Variants in CLVS2 observed in about 807,000 individuals in gnomAD.
The protein encoded by CLVS2 is clavesin 2.
CLVS2 carries 19 observed loss-of-function variants against 29.0 expected under a neutral mutation model. The observed-to-expected ratio is 0.66, with a 90% CI of 0.46 to 0.96. The LOEUF is 0.96. Among genes scored for constraint, CLVS2 ranks in the 40% least tolerant of loss-of-function variants. The pLI is 0.00. For missense variants in CLVS2, 294 were observed against 404.1 expected (o/e 0.73, Z 2.34); for synonymous variants, 161 against 151.3 (o/e 1.06, Z -0.47).
chr6:123,058,642 T>C (rs189760223), intron 5 of CLVS2, among the ~76,000 whole-genome samples: 90 of 152,164 alleles, frequency 5.9e-4, no homozygotes, highest in Admixed American at 2.7e-3. Context: ...ATCTTGGCTT[T>C]ATTTTTATTT....
rs978790121 is a variant in CLVS2, at chr6:123,072,282, A to T, written c.*8521A>T. 13 of 152,136 alleles carry T rather than the reference A, an allele frequency of 8.5e-5. No individual in the cohort carries two copies. Among genetic ancestry groups the T allele is most frequent in the African/African-American group, 3.1e-4 (13 of 41,444 alleles). The allele number at this position is 152,136 out of a possible 1,614,324, so 9.4% of individuals were successfully genotyped here. On this transcript the variant is annotated 3_prime_UTR_variant, in exon 6 of 6. Transcript: ENST00000275162. ...TGTTGAAGAAGAAATATAACCTGAA[A>T]TATAAGAATAGATGTTTGAAACTGT...
rs1772851396 is a variant in CLVS2, at chr6:123,066,166, T to A, written c.*2405T>A. 6.6e-6 allele frequency: 1 copy of A among 151,774 alleles called. No homozygotes were observed. Among genetic ancestry groups the A allele is most frequent in the Non-Finnish European group, 1.5e-5 (1 of 67,750 alleles). The allele number at this position is 151,774 out of a possible 1,614,324, so 9.4% of individuals were successfully genotyped here. A position where few individuals can be genotyped will look rare whatever the true frequency, so the allele number is the denominator to read the frequency against. ...TTTGTGAACCTTAGTCAAGGGATAT[T>A]CATTCAACTTTATAAATTTACCCCT... On this transcript the variant is annotated 3_prime_UTR_variant, in exon 6 of 6. Transcript: ENST00000275162.
intron 3 of CLVS2, among the ~76,000 whole-genome samples, chr6:123,019,374 G>A (rs1036145310): frequency 1.3e-5 from 2 of 152,074 alleles, no homozygotes; most frequent in Admixed American, 6.6e-5. Context: ...TAATCAGGCA[G>A]TGTTTCGAGG....
Position 123,035,124 on chromosome 6 carries a change from T to C in CLVS2, c.565-13498T>C, listed in dbSNP as rs555215957. On this transcript the variant is annotated intron_variant, in intron 3 of 5. Transcript: ENST00000275162. ...TTGCATCATTAAAAGAAGTAGGGTA[T>C]TTTGTTACTGTTTTGTTTTTGGTCA... 2.1e-3 allele frequency among the ~76,000 whole-genome samples: 319 copies of C among 152,250 alleles called. 4 individuals are homozygous for C. Among genetic ancestry groups the C allele is most frequent in the African/African-American group, 7.2e-3 (301 of 41,560 alleles).
chr6:123,037,584 A>T (rs953809821), intron 3 of CLVS2, among the ~76,000 whole-genome samples: 4 of 151,946 alleles, frequency 2.6e-5, no homozygotes, highest in African/African-American at 9.7e-5. Context: ...TATTCCACTC[A>T]TATCTCCATC....
Position 123,048,727 on chromosome 6 carries a change from A to T in CLVS2, c.670A>T (p.Lys224Ter). The change falls in exon 4 of 6, where the codon AAA becomes TAA. Residue 224 changes from lysine to a stop codon, truncating the protein, a stop_gained. Transcript: ENST00000275162. LOFTEE classifies it high-confidence loss of function. ...IRPFLKEKTR[K>*]RIFLHGNNLN... ...GCCTTTCCTGAAGGAGAAAACTCGG[A>T]AAAGGGTATTCTTTTCTTTGATTTT... 6.3e-7 allele frequency: 1 copy of T among 1,597,596 alleles called. No individual in the cohort carries two copies.
At position 123,042,832 on chromosome 6, in the gene CLVS2, A is replaced by C. The variant is rs562686011; in HGVS notation, c.565-5790A>C. On this transcript the variant is annotated intron_variant, in intron 3 of 5. Transcript: ENST00000275162. ...TTCTTCAGGAATCAGAACCTTCTAG[A>C]AGATGAATAAGACCTGTATACAAAC... Among the ~76,000 whole-genome samples the C allele has an allele frequency of 4.1e-4, 62 of 152,314 alleles. No individual in the cohort carries two copies. In the South Asian group the frequency reaches 0.012, roughly 31 times the overall value.
At position 123,055,268 on chromosome 6, in the gene CLVS2, C is replaced by A. The variant is rs371440775; in HGVS notation, c.676-538C>A. On this transcript the variant is annotated intron_variant, in intron 4 of 5. Transcript: ENST00000275162. Reference sequence around the variant, plus strand: ...GATGCTAATCTACTTTGGTTATTTACATCACCCACTTTGCATTATAAAACA... The same window carrying A: ...GATGCTAATCTACTTTGGTTATTTAAATCACCCACTTTGCATTATAAAACA... Among the ~76,000 whole-genome samples, 3 of 152,266 alleles carry A rather than the reference C, an allele frequency of 2.0e-5. No individual in the cohort carries two copies. In the South Asian group the frequency reaches 6.2e-4, roughly 32 times the overall value.
chr6:123,039,780 A>C (rs778913173), intron 3 of CLVS2, among the ~76,000 whole-genome samples: 2 of 152,212 alleles, frequency 1.3e-5, no homozygotes, highest in Non-Finnish European at 2.9e-5. Flanking sequence ...ATGACTAAAC[A>C]TGTTACAGAT....
intron 3 of CLVS2, among the ~76,000 whole-genome samples, chr6:123,020,501 C>T (rs1327992818): frequency 6.6e-6 from 1 of 151,940 alleles, no homozygotes; most frequent in Non-Finnish European, 1.5e-5. Flanking sequence ...AATGAGGTGG[C>T]CTAACAAGAA....
intron 3 of CLVS2, among the ~76,000 whole-genome samples, chr6:123,038,096 G>A (rs1029890039): frequency 6.6e-6 from 1 of 152,120 alleles, no homozygotes; most frequent in African/African-American, 2.4e-5. Flanking sequence ...AAGGTGGCCT[G>A]ATCTTTCTTG....
chr6:123,000,139 A>T (rs923897060), intron 2 of CLVS2, among the ~76,000 whole-genome samples: 1 of 152,152 alleles, frequency 6.6e-6, no homozygotes, highest in Admixed American at 6.5e-5. Flanking sequence ...ACAAAATGAG[A>T]AGCTGTGTTC....
chr6:123,069,622 G>C lies in CLVS2; in HGVS notation c.*5861G>C, dbSNP rs1300863588. On this transcript the variant is annotated 3_prime_UTR_variant, in exon 6 of 6. Transcript: ENST00000275162. ...GCTCCCTCCTAAAGGCAGGCCAGGAGAAGCCACATTTCCAGCAGTAGTATC... is the reference window on the plus strand; with the variant it reads ...GCTCCCTCCTAAAGGCAGGCCAGGACAAGCCACATTTCCAGCAGTAGTATC... 3 of 151,840 alleles carry C rather than the reference G, an allele frequency of 2.0e-5. No individual in the cohort carries two copies. Among genetic ancestry groups the C allele is most frequent in the Non-Finnish European group, 4.4e-5 (3 of 67,860 alleles). 9.4% of individuals were successfully genotyped at this position (151,840 alleles called of 1,614,324 possible). A position where few individuals can be genotyped will look rare whatever the true frequency, so the allele number is the denominator to read the frequency against.
At position 123,064,901 on chromosome 6, in the gene CLVS2, A is replaced by C. The variant is rs1036591974; in HGVS notation, c.*1140A>C. ...AAGTTAATTTATAATGCAATCTTAC[A>C]TATGTGCCATCTTATTTGAACTATA... On this transcript the variant is annotated 3_prime_UTR_variant, in exon 6 of 6. Transcript: ENST00000275162. 1 of 152,006 alleles carries C rather than the reference A, an allele frequency of 6.6e-6. No homozygotes were observed. Among genetic ancestry groups the C allele is most frequent in the South Asian group, 2.1e-4 (1 of 4,832 alleles). 9.4% of individuals were successfully genotyped at this position (152,006 alleles called of 1,614,324 possible).
At chr6:123,060,333 C>T (rs1772756574) in intron 5 of CLVS2, among the ~76,000 whole-genome samples, 1 of 152,118 alleles carries the variant, frequency 6.6e-6, no homozygotes. Flanking sequence ...GTGTCTTTTA[C>T]CTTATGCCGC....
chr6:123,011,120 C>T lies in CLVS2; in HGVS notation c.525C>T (p.Leu175=), dbSNP rs1337046054. 6.2e-7 allele frequency: 1 copy of T among 1,609,654 alleles called. No homozygotes were observed. The highest frequency in any genetic ancestry group is 1.7e-5 in the Admixed American group (1 of 59,480). The change falls in exon 3 of 6, where the codon CTC becomes CTT. Residue 175 remains leucine (L), a synonymous_variant. Transcript: ENST00000275162. ...SNFTFKQASK[L]TPSMLRLAIE... ...TCACTTTCAAGCAAGCCTCTAAACTCACACCAAGTATGCTGCGATTAGCTA... is the reference window on the plus strand; with the variant it reads ...TCACTTTCAAGCAAGCCTCTAAACTTACACCAAGTATGCTGCGATTAGCTA...
intron 3 of CLVS2, among the ~76,000 whole-genome samples, chr6:123,032,063 T>C (rs1775091016): frequency 6.6e-6 from 1 of 152,244 alleles, no homozygotes; most frequent in Non-Finnish European, 1.5e-5. Context: ...CTAATTTGTC[T>C]AATTGATTCC....
At chr6:123,006,952 C>A (rs1774677934) in intron 2 of CLVS2, among the ~76,000 whole-genome samples, 1 of 151,930 alleles carries the variant, frequency 6.6e-6, no homozygotes, top group African/African-American at 2.4e-5. Context: ...AATAGACTGA[C>A]CAGAAAAGTG....
chr6:122,998,563 C>G (rs577441978), intron 2 of CLVS2, among the ~76,000 whole-genome samples: 1 of 152,270 alleles, frequency 6.6e-6, no homozygotes, highest in South Asian at 2.1e-4. Flanking sequence ...TTAAACTAGA[C>G]CCATCATCAT....
Sources: gnomAD v4.1 joint callset for allele counts (sites outside exome capture counted in the v4.1 genomes callset) on GRCh38, gnomAD v4.1.1 for gene constraint, MANE v1.5 for transcripts, NCBI Gene and HGNC (gene_info 2026-07-23, HGNC 2026-07-21) for gene names.